The following GHRH variants were observed in gnomAD, a reference collection of about 807,000 sequenced individuals.
GHRH encodes the protein growth hormone releasing hormone.
GHRH carries 7 observed loss-of-function variants against 15.6 expected under a neutral mutation model. The observed-to-expected ratio is 0.45, with a 90% CI of 0.26 to 0.84. GHRH has a LOEUF of 0.84. Among genes scored for constraint, GHRH ranks in the 40% least tolerant of loss-of-function variants. GHRH has a pLI of 0.18. For missense variants in GHRH, 117 were observed against 138.0 expected (o/e 0.85, Z 0.76); for synonymous variants, 54 against 50.4 (o/e 1.07, Z -0.30).
chr20:37,256,860 G>T lies in GHRH; in HGVS notation c.30C>A (p.Ile10=). The T allele has an allele frequency of 1.9e-6, 3 of 1,612,818 alleles. No individual in the cohort carries two copies. The highest frequency in any genetic ancestry group is 2.5e-6 in the Non-Finnish European group (3 of 1,179,610). Residue 10 remains isoleucine (I), a synonymous_variant, in exon 2 of 5, where the codon ATC becomes ATA. Coordinates refer to ENST00000373614, the MANE Select transcript of GHRH (RefSeq NM_021081.6). MPLWVFFFV[I]LTLSNSSHCS... The stretch of plus-strand genomic sequence containing the variant: ...AGTGGGAGCTGTTGCTGAGGGTGAG[G>T]ATCACAAAGAAGAACACCCAGAGTG...
Position 37,255,301 on chromosome 20 carries a change from G to C in GHRH, c.189-972C>G, listed in dbSNP as rs540473175. Reference sequence around the variant, plus strand: ...TTTTTCAAAGTAAAAACTAAAAAACGTATAGGCTATAGAGTCAGGCAGTTT... The same window carrying C: ...TTTTTCAAAGTAAAAACTAAAAAACCTATAGGCTATAGAGTCAGGCAGTTT... On this transcript the variant is annotated intron_variant, in intron 3 of 4. Transcript: ENST00000373614. 3.4e-4 allele frequency among the ~76,000 whole-genome samples: 52 copies of C among 152,008 alleles called. 1 individual carries two copies. The highest frequency in any genetic ancestry group is 1.2e-3 in the African/African-American group (51 of 41,382).
At chr20:37,259,982 G>T (rs1298284088) in intron 1 of GHRH, among the ~76,000 whole-genome samples, 1 of 152,206 alleles carries the variant, frequency 6.6e-6, no homozygotes. Flanking sequence ...GCTCTTTGTT[G>T]TTGGGCCTCT....
Position 37,256,423 on chromosome 20 carries a change from C to A in GHRH, c.159G>T (p.Leu53=). The A allele has an allele frequency of 6.2e-7, 1 of 1,613,070 alleles. No individual in the cohort carries two copies. The highest frequency in any genetic ancestry group is 8.5e-7 in the Non-Finnish European group (1 of 1,179,394). ...KVLGQLSARK[L]LQDIMSRQQG... is the part of the protein sequence containing the mutation. ...GCTGCCTGCTCATGATGTCCTGGAG[C>A]AGCTTGCGGGCGGACAGCTGGCCCA... Residue 53 remains leucine (L), a synonymous_variant, in exon 3 of 5, where the codon CTG becomes CTT. Transcript: ENST00000373614.
rs1449358024 is a variant in GHRH, at chr20:37,258,690, A to G, written c.-19-1782T>C. ...TCGAGTGAGCACTTGCTGCCAGCGA[A>G]TGACAGGGATCTCACTACCCCCAGG... On this transcript the variant is annotated intron_variant, in intron 1 of 4. Coordinates refer to ENST00000373614, the MANE Select transcript of GHRH (RefSeq NM_021081.6). This position sits in a 1 kb window ranked among gnomAD's most constrained non-coding sequence, Gnocchi z 4.1. Among the ~76,000 whole-genome samples the G allele has an allele frequency of 3.3e-5, 5 of 152,180 alleles. No individual in the cohort carries two copies. Among genetic ancestry groups the G allele is most frequent in the Admixed American group, 1.3e-4 (2 of 15,282 alleles).
At chr20:37,257,383 C>T (rs1030930114) in intron 1 of GHRH, among the ~76,000 whole-genome samples, 14 of 151,870 alleles carry the variant, frequency 9.2e-5, no homozygotes, top group South Asian at 4.2e-4. Context: ...GGAGTGGTGG[C>T]GTGTGCCTGT....
intron 4 of GHRH, 25 bp from the exon 5 acceptor site, chr20:37,251,256 ATCC>A (rs1437543866): frequency 6.3e-7 from 1 of 1,595,148 alleles, no homozygotes; most frequent in Non-Finnish European, 8.5e-7. Context: ...ATCAAGCTCA[ATCC>A]GGGGAATTGA....
intron 3 of GHRH, among the ~76,000 whole-genome samples, chr20:37,255,487 C>T (rs1184814794): frequency 6.6e-6 from 1 of 151,400 alleles, no homozygotes; most frequent in South Asian, 2.1e-4. Context: ...GGTGAAACCC[C>T]GTCTCTACTA....
In GHRH at chr20:37,258,270, A is replaced by G. The variant is rs2068668300; in HGVS notation, c.-19-1362T>C. Among the ~76,000 whole-genome samples the G allele has an allele frequency of 2.0e-5, 3 of 151,952 alleles. No homozygotes were observed. The highest frequency in any genetic ancestry group is 7.3e-5 in the African/African-American group (3 of 41,364). On this transcript the variant is annotated intron_variant, in intron 1 of 4. Coordinates refer to ENST00000373614, the MANE Select transcript of GHRH (RefSeq NM_021081.6). The surrounding 1 kb of genome is among the most constrained non-coding windows in gnomAD (Gnocchi z 4.1). ...TTCTCCCTCTCTCAGCAGGATGTCTACTCCATGGGGGTGTAGATCCATCCA... is the reference window on the plus strand; with the variant it reads ...TTCTCCCTCTCTCAGCAGGATGTCTGCTCCATGGGGGTGTAGATCCATCCA...
At chr20:37,259,902 C>T (rs2068678536) in intron 1 of GHRH, among the ~76,000 whole-genome samples, 1 of 152,188 alleles carries the variant, frequency 6.6e-6, no homozygotes, top group South Asian at 2.1e-4. Context: ...ACAGTATTCC[C>T]CATTCACAGG....
At chr20:37,257,789 C>A (rs751547368) in intron 1 of GHRH, among the ~76,000 whole-genome samples, 1 of 152,220 alleles carries the variant, frequency 6.6e-6, no homozygotes, top group East Asian at 1.9e-4. Context: ...GTAACTAGAC[C>A]TCCTACTTCG....
intron 4 of GHRH, among the ~76,000 whole-genome samples, chr20:37,252,933 G>A (rs1258160382): frequency 6.6e-6 from 1 of 152,214 alleles, no homozygotes; most frequent in Non-Finnish European, 1.5e-5. Flanking sequence ...CAGCTACTCG[G>A]GAGGCTGAGA....
intron 2 of GHRH, 86 bp from the exon 3 acceptor site, chr20:37,256,584 G>T: frequency 1.2e-6 from 1 of 868,580 alleles, no homozygotes; most frequent in Non-Finnish European, 1.9e-6. Context: ...GTCTCTGCAA[G>T]ATCCTTCTGT....
At chr20:37,256,252 C>T in intron 3 of GHRH, 142 bp downstream of exon 3, 1 of 560,870 alleles carries the variant, frequency 1.8e-6, no homozygotes, top group South Asian at 2.4e-5. Flanking sequence ...AACGCTGGAA[C>T]CCTTTTGCTA....
chr20:37,260,968 A>T lies in GHRH; in HGVS notation c.-20+775T>A, dbSNP rs75102505. Among the ~76,000 whole-genome samples, 1,396 of 152,330 alleles carry T rather than the reference A, an allele frequency of 9.2e-3. 33 individuals are homozygous for T. The highest frequency in any genetic ancestry group is 0.032 in the African/African-American group (1,313 of 41,556). On this transcript the variant is annotated intron_variant, in intron 1 of 4. Transcript: ENST00000373614. ...GAAAACCCAGGGAAAGAACATCTTT[A>T]ACCTTCCTTGAATATCCCCCTTTGA...
At chr20:37,259,112 T>C (rs1323265534) in intron 1 of GHRH, among the ~76,000 whole-genome samples, 2 of 152,210 alleles carry the variant, frequency 1.3e-5, no homozygotes, top group Non-Finnish European at 2.9e-5. Flanking sequence ...CAAATGTTTG[T>C]TAAGCCTCTA....
At chr20:37,252,109 G>T (rs1002862333) in intron 4 of GHRH, among the ~76,000 whole-genome samples, 4 of 152,236 alleles carry the variant, frequency 2.6e-5, no homozygotes, top group African/African-American at 9.6e-5. Flanking sequence ...CACAGAGGAG[G>T]CCTTCTTCTT....
chr20:37,256,683 C>T, intron 2 of GHRH, 124 bp downstream of exon 2: 1 of 804,334 alleles, frequency 1.2e-6, no homozygotes, highest in Admixed American at 2.5e-5. Flanking sequence ...CAAGGACGGG[C>T]AGTGGGTGCT....
intron 1 of GHRH, 113 bp downstream of exon 1, chr20:37,261,630 A>C (rs1024002187): frequency 6.6e-6 from 1 of 152,250 alleles, no homozygotes; most frequent in African/African-American, 2.4e-5. Flanking sequence ...TCACCAGTCC[A>C]TGGGCAAAGA....
At chr20:37,256,538 G>A in intron 2 of GHRH, 40 bp from the exon 3 acceptor site, 2 of 1,321,488 alleles carry the variant, frequency 1.5e-6, no homozygotes, top group African/African-American at 2.9e-5. Context: ...CGGGGTGGAG[G>A]CCAGGCGAGA....
Sources: gnomAD v4.1 joint callset for allele counts (sites outside exome capture counted in the v4.1 genomes callset) on GRCh38, gnomAD v4.1.1 for gene constraint, Gnocchi (gnomAD v3.1) non-coding constraint, MANE v1.5 for transcripts, NCBI Gene and HGNC (gene_info 2026-07-23, HGNC 2026-07-21) for gene names.